Variants in SNTG1 observed in about 807,000 individuals in gnomAD.
The protein encoded by SNTG1 is gamma-1-syntrophin.
SNTG1 carries 39 observed loss-of-function variants against 74.7 expected under a neutral mutation model. The observed-to-expected ratio is 0.52, with a 90% confidence interval of 0.40 to 0.68. SNTG1 has a LOEUF of 0.68. Ranked by LOEUF, SNTG1 falls within the 30% of genes least tolerant of loss-of-function variation. SNTG1 has a pLI of 0.00. For synonymous variants in SNTG1, 254 were observed against 217.1 expected (o/e 1.17, Z -1.49); for missense variants, 685 against 609.5 (o/e 1.12, Z -1.30).
intron 1 of SNTG1, among the ~76,000 whole-genome samples, chr8:49,913,917 G>A (rs951815296): frequency 6.6e-6 from 1 of 152,180 alleles, no homozygotes; most frequent in Non-Finnish European, 1.5e-5. Context: ...CTCAGGGGCA[G>A]AGGGGGCAGG....
intron 5 of SNTG1, among the ~76,000 whole-genome samples, chr8:50,443,004 C>CTTCTGG (rs1229461407): frequency 1.3e-5 from 2 of 152,184 alleles, no homozygotes; most frequent in Non-Finnish European, 2.9e-5. Flanking sequence ...AGTGCCCATC[C>CTTCTGG]TCTGGGCTGG....
intron 2 of SNTG1, among the ~76,000 whole-genome samples, chr8:50,293,703 C>G (rs2089237133): frequency 6.6e-6 from 1 of 152,062 alleles, no homozygotes; most frequent in African/African-American, 2.4e-5. Context: ...AGCCACTGTG[C>G]CCTGCAGTAA....
At chr8:50,409,465 G>A (rs1471729546) in intron 4 of SNTG1, among the ~76,000 whole-genome samples, 1 of 152,170 alleles carries the variant, frequency 6.6e-6, no homozygotes, top group East Asian at 1.9e-4. Flanking sequence ...TTTAAAAATA[G>A]TATCAAAACG....
At chr8:50,586,958 C>T (rs2094652644) in intron 12 of SNTG1, among the ~76,000 whole-genome samples, 1 of 151,562 alleles carries the variant, frequency 6.6e-6, no homozygotes, top group South Asian at 2.1e-4. Flanking sequence ...CATGTAATAA[C>T]CCCTAAATAA....
chr8:50,211,656 T>C (rs906717415), intron 2 of SNTG1, among the ~76,000 whole-genome samples: 3 of 152,142 alleles, frequency 2.0e-5, no homozygotes, highest in Non-Finnish European at 4.4e-5. Context: ...CAATTATCAA[T>C]GAACTGAGCC....
chr8:50,735,182 A>C (rs1340907628), intron 17 of SNTG1, among the ~76,000 whole-genome samples: 1 of 151,552 alleles, frequency 6.6e-6, no homozygotes, highest in Non-Finnish European at 1.5e-5. Context: ...AAATGATCTA[A>C]CTGTATGCTG....
At position 50,793,634 on chromosome 8, in the gene SNTG1, T is replaced by A. The variant is rs1398097792; in HGVS notation, c.*805T>A. The A allele has an allele frequency of 1.3e-5, 2 of 151,918 alleles. No individual in the cohort carries two copies. The highest frequency in any genetic ancestry group is 6.6e-5 in the Admixed American group (1 of 15,194). 9.4% of individuals were successfully genotyped at this position (151,918 alleles called of 1,614,324 possible). The stretch of plus-strand genomic sequence containing the variant: ...GTTTGAAAGAGATTTGTATTTTACC[T>A]AATAAGATTTATTATCAAATTAAAG... On this transcript the variant is annotated 3_prime_UTR_variant, in exon 19 of 19. Transcript: ENST00000642720.
At chr8:50,313,509 A>G (rs1009187616) in intron 2 of SNTG1, among the ~76,000 whole-genome samples, 4 of 149,882 alleles carry the variant, frequency 2.7e-5, no homozygotes, top group African/African-American at 5.0e-5. Flanking sequence ...CTGAGTAGAC[A>G]TATCTAAAAA....
intron 2 of SNTG1, among the ~76,000 whole-genome samples, chr8:50,308,921 T>C (rs1191599408): frequency 1.3e-5 from 2 of 152,082 alleles, no homozygotes; most frequent in African/African-American, 4.8e-5. Flanking sequence ...AATGTTTCTA[T>C]TCATAAACTA....
intron 15 of SNTG1, among the ~76,000 whole-genome samples, chr8:50,700,685 CT>C (rs5891381): frequency 0.07 from 10,649 of 152,178 alleles, 992 homozygotes; most frequent in African/African-American, 0.21. Context: ...AACTTTCCCC[CT>C]CCTACTTTCC....
chr8:50,463,971 T>C lies in SNTG1; in HGVS notation c.363+13242T>C, dbSNP rs1298229307. On this transcript the variant is annotated intron_variant, in intron 8 of 18. Transcript: ENST00000642720. Reference sequence around the variant, plus strand: ...AACTTCTCTATCAGCACTTACTGCTTCACCTCGCATTTTTATGTCATGGAG... The same window carrying C: ...AACTTCTCTATCAGCACTTACTGCTCCACCTCGCATTTTTATGTCATGGAG... Among the ~76,000 whole-genome samples, 8 of 152,228 alleles carry C rather than the reference T, an allele frequency of 5.3e-5. No individual in the cohort carries two copies. In the East Asian group the frequency reaches 7.7e-4, roughly 15 times the overall value.
At chr8:50,396,916 A>C (rs1469314853) in intron 3 of SNTG1, among the ~76,000 whole-genome samples, 1 of 152,246 alleles carries the variant, frequency 6.6e-6, no homozygotes. Context: ...ATTTGTTTAA[A>C]GAGTAAACCC....
intron 16 of SNTG1, 91 bp from the exon 17 acceptor site, chr8:50,708,795 G>A: frequency 1.4e-6 from 1 of 725,604 alleles, no homozygotes; most frequent in Non-Finnish European, 2.4e-6. Flanking sequence ...GATATTGTAT[G>A]AAGTACTTAT....
At chr8:50,151,822 A>G (rs1478317644) in intron 1 of SNTG1, among the ~76,000 whole-genome samples, 2 of 152,194 alleles carry the variant, frequency 1.3e-5, no homozygotes, top group African/African-American at 4.8e-5. Context: ...GGAGTGCTTT[A>G]CTTCCAACTA....
intron 3 of SNTG1, among the ~76,000 whole-genome samples, chr8:50,400,252 T>C (rs567444458): frequency 6.6e-6 from 1 of 152,344 alleles, no homozygotes; most frequent in South Asian, 2.1e-4. Context: ...GTAAGTGATA[T>C]AATATGATAT....
chr8:50,647,215 A>G (rs1175168156), intron 13 of SNTG1, among the ~76,000 whole-genome samples: 1 of 152,106 alleles, frequency 6.6e-6, no homozygotes, highest in Non-Finnish European at 1.5e-5. Flanking sequence ...AATTTATTGG[A>G]CCCCATTAAA....
At chr8:50,738,741 C>G (rs1336306341) in intron 17 of SNTG1, among the ~76,000 whole-genome samples, 1 of 150,068 alleles carries the variant, frequency 6.7e-6, no homozygotes, top group Non-Finnish European at 1.5e-5. Flanking sequence ...ATAGAGGCCT[C>G]AGAAATAACA....
chr8:50,238,389 G>T (rs559870475), intron 2 of SNTG1, among the ~76,000 whole-genome samples: 5 of 152,190 alleles, frequency 3.3e-5, no homozygotes, highest in Admixed American at 6.5e-5. Flanking sequence ...AAAGAAATGG[G>T]AAAATAATTC....
At chr8:50,274,991 T>A (rs2088011417) in intron 2 of SNTG1, among the ~76,000 whole-genome samples, 1 of 152,218 alleles carries the variant, frequency 6.6e-6, no homozygotes, top group African/African-American at 2.4e-5. Flanking sequence ...TTTTGAAGAC[T>A]TCTCACCTAT....
Sources: allele counts gnomAD v4.1 joint callset (sites outside exome capture counted in the v4.1 genomes callset), GRCh38; gene constraint gnomAD v4.1.1; transcripts MANE v1.5; gene names NCBI Gene and HGNC (gene_info 2026-07-23, HGNC 2026-07-21).